ITSN1: variants seen among roughly 807,000 people sequenced by gnomAD.
ITSN1 encodes the protein intersectin 1, also known as intersectin-1.
A neutral mutation model predicts 239.8 loss-of-function variants in ITSN1; 58 were observed. The observed-to-expected ratio is 0.24, with a 90% confidence interval of 0.20 to 0.30. The LOEUF (loss-of-function observed/expected upper bound fraction) is 0.30, where lower values mean the gene tolerates loss of function less well. ITSN1 is among the 10% of genes least tolerant of loss of function. ITSN1 has a pLI of 1.00. For synonymous variants in ITSN1, 780 were observed against 770.8 expected, an observed-to-expected ratio of 1.01 and a Z score of -0.20; for missense variants, 1,558 against 2,103.3, an observed-to-expected ratio of 0.74 and a Z score of 5.07.
chr21:33,722,771 A>T (rs963260433), intron 4 of ITSN1, 120 bp downstream of exon 4: 6 of 953,566 alleles, frequency 6.3e-6, no homozygotes, highest in Non-Finnish European at 8.6e-6. Flanking sequence ...CTCTAGCCTG[A>T]AATATCTTGT....
intron 19 of ITSN1, among the ~76,000 whole-genome samples, chr21:33,800,272 A>G (rs2071880091): frequency 6.6e-6 from 1 of 151,862 alleles, no homozygotes; most frequent in South Asian, 2.1e-4. Context: ...TATGATGTAT[A>G]GACAATATAT....
chr21:33,857,918 G>C (rs1001585448), intron 30 of ITSN1, among the ~76,000 whole-genome samples: 7 of 152,184 alleles, frequency 4.6e-5, no homozygotes, highest in African/African-American at 1.4e-4. Context: ...CCGCAGCCCA[G>C]CCAAGTTTAT....
chr21:33,771,436 T>C (rs2069151916), intron 11 of ITSN1, among the ~76,000 whole-genome samples: 1 of 151,982 alleles, frequency 6.6e-6, no homozygotes, highest in African/African-American at 2.4e-5. Context: ...ACAAGGATGA[T>C]GGGATTGTAG....
intron 1 of ITSN1, among the ~76,000 whole-genome samples, chr21:33,713,632 T>A (rs1245885698): frequency 6.6e-6 from 1 of 152,152 alleles, no homozygotes; most frequent in African/African-American, 2.4e-5. Flanking sequence ...CAAAACACCT[T>A]AAGCCAAGAT....
chr21:33,694,088 A>G (rs1568955640), intron 1 of ITSN1, among the ~76,000 whole-genome samples: 1 of 152,240 alleles, frequency 6.6e-6, no homozygotes, highest in Admixed American at 6.5e-5. Flanking sequence ...ATCGTAGCTC[A>G]CTGCAGCCTC....
At chr21:33,737,272 T>C (rs1341239140) in intron 5 of ITSN1, among the ~76,000 whole-genome samples, 1 of 152,216 alleles carries the variant, frequency 6.6e-6, no homozygotes, top group African/African-American at 2.4e-5. Flanking sequence ...CCTGCTACTG[T>C]TAAACCTGCC....
At chr21:33,868,844 G>A (rs913927475) in intron 33 of ITSN1, among the ~76,000 whole-genome samples, 9 of 152,210 alleles carry the variant, frequency 5.9e-5, no homozygotes, top group African/African-American at 1.2e-4. Flanking sequence ...GAGAGCGAGC[G>A]AGGGCTGTGA....
At chr21:33,745,291 C>T (rs2067113756) in intron 5 of ITSN1, among the ~76,000 whole-genome samples, 1 of 152,122 alleles carries the variant, frequency 6.6e-6, no homozygotes, top group African/African-American at 2.4e-5. Context: ...TGGGAAACTC[C>T]ACAGGTCACA....
rs1981369991 is a variant in ITSN1, at chr21:33,865,325, G to A, written c.4065G>A (p.Glu1355=). The change falls in exon 32 of 40, where the codon GAG becomes GAA. Residue 1355 remains glutamate, a synonymous_variant. Transcript: ENST00000381318. This position sits in a 1 kb window ranked among gnomAD's most constrained non-coding sequence, Gnocchi z 4.4. Reference sequence around the variant, plus strand: ...CGGATGAGGCCCCAGACTTCAAGGAGTTCGTCAAAGTAAGGAGCCAGGCTG... The same window carrying A: ...CGGATGAGGCCCCAGACTTCAAGGAATTCGTCAAAGTAAGGAGCCAGGCTG... ...QKTDEAPDFK[E]FVKRLAMDPR... 6.4e-7 allele frequency: 1 copy of A among 1,561,646 alleles called. No homozygotes were observed. Among genetic ancestry groups the A allele is most frequent in the African/African-American group, 1.3e-5 (1 of 74,120 alleles).
At chr21:33,739,171 A>G (rs1029992994) in intron 5 of ITSN1, among the ~76,000 whole-genome samples, 4 of 152,170 alleles carry the variant, frequency 2.6e-5, no homozygotes, top group Admixed American at 1.3e-4. Flanking sequence ...GATTTTGTTC[A>G]ACTCCCCTAC....
chr21:33,873,054 C>T (rs1441530685), intron 33 of ITSN1, among the ~76,000 whole-genome samples: 3 of 152,174 alleles, frequency 2.0e-5, no homozygotes, highest in Non-Finnish European at 4.4e-5. Context: ...ACCCCTAAGC[C>T]TGAGTTTCAC....
At chr21:33,838,278 G>A (rs1173138630) in intron 29 of ITSN1, 32 of 985,238 alleles carry the variant, frequency 3.2e-5, no homozygotes, top group East Asian at 1.1e-4. Flanking sequence ...GCGTTCTCCC[G>A]GCGCTGTCGG....
At position 33,897,076 on chromosome 21, in the gene ITSN1, A is replaced by G. The variant is rs1344764317; in HGVS notation, c.*8776A>G. 1 of 152,294 alleles carries G rather than the reference A, an allele frequency of 6.6e-6. No individual in the cohort carries two copies. The highest frequency in any genetic ancestry group is 1.5e-5 in the Non-Finnish European group (1 of 68,050). The allele number at this position is 152,294 out of a possible 1,614,324, so 9.4% of individuals were successfully genotyped here. On this transcript the variant is annotated 3_prime_UTR_variant, in exon 40 of 40. Coordinates refer to ENST00000381318, the MANE Select transcript of ITSN1 (RefSeq NM_003024.3). ...TTTAATGAATGAACATTTGAGGTAC[A>G]TTCTATAAATCAATATCCTTAAAAT...
chr21:33,854,416 C>T (rs1978918541), intron 29 of ITSN1, among the ~76,000 whole-genome samples: 1 of 152,252 alleles, frequency 6.6e-6, no homozygotes, highest in South Asian at 2.1e-4. Flanking sequence ...TTGCCTAATG[C>T]AGGGGCTGCA....
intron 18 of ITSN1, among the ~76,000 whole-genome samples, chr21:33,798,881 G>T: frequency 6.7e-6 from 1 of 148,968 alleles, no homozygotes; most frequent in East Asian, 2.0e-4. Flanking sequence ...TTTTTTGATA[G>T]TTTTTTTTTT....
At position 33,696,318 on chromosome 21, in the gene ITSN1, T is replaced by G. The variant is rs529325219; in HGVS notation, c.-32-22479T>G. ...GTGCAGATTGCCTTTATCTCCTGAT[T>G]GGGCAAATACTTAACAGTCCTTAGC... On this transcript the variant is annotated intron_variant, in intron 1 of 39. Coordinates refer to ENST00000381318, the MANE Select transcript of ITSN1 (RefSeq NM_003024.3). Among the ~76,000 whole-genome samples, 36 of 152,316 alleles carry G rather than the reference T, an allele frequency of 2.4e-4. No individual in the cohort carries two copies. The East Asian group carries it at 6.9e-3, about 29-fold the overall frequency.
Position 33,892,793 on chromosome 21 carries a change from A to T in ITSN1, c.*4493A>T, listed in dbSNP as rs1986449736. The T allele has an allele frequency of 6.6e-6, 1 of 152,182 alleles. No individual in the cohort carries two copies. Among genetic ancestry groups the T allele is most frequent in the Admixed American group, 6.5e-5 (1 of 15,274 alleles). 9.4% of individuals were successfully genotyped at this position (152,182 alleles called of 1,614,324 possible). On this transcript the variant is annotated 3_prime_UTR_variant, in exon 40 of 40. Transcript: ENST00000381318. ...TCTTTTTTTCCCCAGCTACAGTGTA[A>T]TTGCCTACCTGCCTGGGCCCCTTCT... is the stretch of plus-strand genomic sequence containing the variant.
At chr21:33,687,398 T>TAAA (rs58230508) in intron 1 of ITSN1, among the ~76,000 whole-genome samples, 27 of 81,340 alleles carry the variant, frequency 3.3e-4, no homozygotes, top group East Asian at 1.5e-3. Flanking sequence ...AACTCCATCT[T>TAAA]AAAAAAAAAA....
At chr21:33,667,698 C>T (rs756194878) in intron 1 of ITSN1, among the ~76,000 whole-genome samples, 1 of 152,142 alleles carries the variant, frequency 6.6e-6, no homozygotes, top group African/African-American at 2.4e-5. Context: ...TGTGGTCCGA[C>T]GGCTAGTAAG....
Sources: allele counts gnomAD v4.1 joint callset (sites outside exome capture counted in the v4.1 genomes callset), GRCh38; gene constraint gnomAD v4.1.1; non-coding constraint Gnocchi (gnomAD v3.1); transcripts MANE v1.5; gene names NCBI Gene and HGNC (gene_info 2026-07-23, HGNC 2026-07-21).